R3HDM1: variants seen among roughly 807,000 people sequenced by gnomAD.
R3HDM1 encodes R3H domain containing 1, also known as R3H domain-containing protein 1.
R3HDM1 carries 46 observed loss-of-function variants against 141.1 expected under a neutral mutation model. The ratio of observed to expected loss-of-function variants is 0.33; its 90% CI spans 0.26 to 0.42. The LOEUF is 0.42. Among genes scored for constraint, R3HDM1 ranks in the 10% least tolerant of loss-of-function variants. The pLI is 1.00. For synonymous variants in R3HDM1, 435 were observed against 472.9 expected, an observed-to-expected ratio of 0.92 and a Z score of 1.04; for missense variants, 1,184 against 1,368.3, an observed-to-expected ratio of 0.87 and a Z score of 2.12.
At chr2:135,612,338 A>G (rs1335792027) in intron 3 of R3HDM1, among the ~76,000 whole-genome samples, 1 of 152,242 alleles carries the variant, frequency 6.6e-6, no homozygotes, top group African/African-American at 2.4e-5. Context: ...GAAAGGGTGT[A>G]ACCATTATAA....
chr2:135,550,151 A>G, intron 1 of R3HDM1: 11 of 983,850 alleles, frequency 1.1e-5, no homozygotes, highest in Non-Finnish European at 1.3e-5. Context: ...ATTCTATGTT[A>G]CACGAACTAT....
rs542320086 is a variant in R3HDM1 at position 135,659,873 on chromosome 2, C to A, written c.2029-1397C>A. 8.5e-5 allele frequency among the ~76,000 whole-genome samples: 13 copies of A among 152,344 alleles called. No homozygotes were observed. The East Asian group carries it at 2.1e-3, about 25-fold the overall frequency. On this transcript the variant is annotated intron_variant, in intron 18 of 26. Coordinates refer to ENST00000683871, the MANE Select transcript of R3HDM1 (RefSeq NM_001378107.1). ...TTAAACAACTGCTAGCACAGTAGGA[C>A]TACAGACATGTGAGTGATGTATTGT...
intron 23 of R3HDM1, among the ~76,000 whole-genome samples, chr2:135,711,347 T>C (rs2075602400): frequency 6.6e-6 from 1 of 152,178 alleles, no homozygotes. Flanking sequence ...AATGTATGGA[T>C]CTTATTTGGA....
rs1040260278 is a variant in R3HDM1, at chr2:135,725,117, T to C, written c.*825T>C. ...CTTCTTAAGTGCTTTACAGTTTGTT[T>C]TCATTGTTTGCAGCGGATCACTGGA... On this transcript the variant is annotated 3_prime_UTR_variant, in exon 27 of 27. Coordinates refer to ENST00000683871, the MANE Select transcript of R3HDM1 (RefSeq NM_001378107.1). 2 of 152,520 alleles carry C rather than the reference T, an allele frequency of 1.3e-5. No homozygotes were observed. The highest frequency in any genetic ancestry group is 4.8e-5 in the African/African-American group (2 of 41,446). 9.4% of individuals were successfully genotyped at this position (152,520 alleles called of 1,614,324 possible). A position where few individuals can be genotyped will look rare whatever the true frequency, so the allele number is the denominator to read the frequency against.
intron 1 of R3HDM1, among the ~76,000 whole-genome samples, chr2:135,592,440 T>C (rs1341227990): frequency 6.6e-6 from 1 of 152,232 alleles, no homozygotes; most frequent in African/African-American, 2.4e-5. Context: ...GAGTGATCTT[T>C]CTCCTTCTGA....
chr2:135,558,907 C>G (rs1369985353), intron 1 of R3HDM1: 5 of 672,092 alleles, frequency 7.4e-6, no homozygotes, highest in Non-Finnish European at 9.2e-6. Flanking sequence ...TTTAGGATTC[C>G]TTAAGGGTTT....
At chr2:135,549,112 T>G (rs983417137) in intron 1 of R3HDM1, among the ~76,000 whole-genome samples, 1 of 152,256 alleles carries the variant, frequency 6.6e-6, no homozygotes, top group Non-Finnish European at 1.5e-5. Context: ...TAATTGACTT[T>G]AGGTAAATAG....
intron 1 of R3HDM1, among the ~76,000 whole-genome samples, chr2:135,532,053 G>A (rs1694938774): frequency 6.6e-6 from 1 of 152,208 alleles, no homozygotes; most frequent in African/African-American, 2.4e-5. Flanking sequence ...AGGGACTCGG[G>A]AGCCAGCCAC....
intron 21 of R3HDM1, among the ~76,000 whole-genome samples, chr2:135,698,513 A>G (rs2073627512): frequency 6.6e-6 from 1 of 152,184 alleles, no homozygotes; most frequent in Non-Finnish European, 1.5e-5. Flanking sequence ...ATCTGAATGA[A>G]GTTACATAGA....
At position 135,641,582 on chromosome 2, in the gene R3HDM1, T is replaced by C. The variant is rs766164749; in HGVS notation, c.1266T>C (p.Ser422=). The part of the protein sequence containing the change: ...GSVGSSTGSL[S]HIQQPLPGTA... ...TAGGGTCATCTACAGGCTCTCTTTC[T>C]CACATCCAGCAGCCTCTTCCAGGTA... The change falls in exon 15 of 27, where the codon TCT becomes TCC. Residue 422 remains serine, a synonymous_variant. Coordinates refer to ENST00000683871, the MANE Select transcript of R3HDM1 (RefSeq NM_001378107.1). The C allele has an allele frequency of 4.3e-6, 7 of 1,614,028 alleles. No individual in the cohort carries two copies. Among genetic ancestry groups the C allele is most frequent in the Non-Finnish European group, 5.9e-6 (7 of 1,180,008 alleles).
At chr2:135,622,459 C>G in intron 6 of R3HDM1, 195 bp from the exon 7 acceptor site, 2 of 983,696 alleles carry the variant, frequency 2.0e-6, no homozygotes, top group Non-Finnish European at 2.4e-6. Flanking sequence ...GTTATATAAA[C>G]TCATGTCATG....
intron 24 of R3HDM1, among the ~76,000 whole-genome samples, chr2:135,718,725 C>G (rs1204214585): frequency 6.6e-6 from 1 of 152,096 alleles, no homozygotes; most frequent in Non-Finnish European, 1.5e-5. Context: ...CAAGCAGTCT[C>G]CCCACCTTGG....
chr2:135,716,543 TC>T (rs2105455630), intron 24 of R3HDM1, among the ~76,000 whole-genome samples: 1 of 152,266 alleles, frequency 6.6e-6, no homozygotes, highest in Admixed American at 6.5e-5. Flanking sequence ...GAAGAGTTTA[TC>T]CTATAGCAAA....
At chr2:135,659,071 G>GTGTGTA (rs1553607673) in intron 18 of R3HDM1, among the ~76,000 whole-genome samples, 27 of 150,456 alleles carry the variant, frequency 1.8e-4, no homozygotes, top group South Asian at 1.3e-3. Context: ...GTGTGTGTGT[G>GTGTGTA]TGTGTGTGTG....
At chr2:135,650,641 T>C (rs2065052226) in intron 17 of R3HDM1, 1 of 980,612 alleles carries the variant, frequency 1.0e-6, no homozygotes, top group Admixed American at 6.2e-5. Context: ...CATAGGTACA[T>C]TTTTTTTCCT....
At chr2:135,598,248 A>T (rs2059354525) in intron 1 of R3HDM1, among the ~76,000 whole-genome samples, 1 of 152,186 alleles carries the variant, frequency 6.6e-6, no homozygotes, top group African/African-American at 2.4e-5. Flanking sequence ...CACAGGCGAT[A>T]GGAGGATTGA....
chr2:135,561,243 A>G (rs1701742451), intron 1 of R3HDM1: 1 of 947,732 alleles, frequency 1.1e-6, no homozygotes, highest in South Asian at 4.9e-5. Flanking sequence ...ACTTTGTAAC[A>G]AATTTTTCTC....
At chr2:135,590,680 A>G (rs935528285) in intron 1 of R3HDM1, 14 of 985,288 alleles carry the variant, frequency 1.4e-5, no homozygotes, top group African/African-American at 1.7e-5. Context: ...AGTGTGAACT[A>G]TGAGAGATTG....
chr2:135,583,888 A>G (rs952435702), intron 1 of R3HDM1: 13 of 985,348 alleles, frequency 1.3e-5, no homozygotes, highest in African/African-American at 8.7e-5. Context: ...CCCAGTTCCT[A>G]TCATTCAGAT....
Sources: gnomAD v4.1 joint callset for allele counts (sites outside exome capture counted in the v4.1 genomes callset) on GRCh38, gnomAD v4.1.1 for gene constraint, MANE v1.5 for transcripts, NCBI Gene and HGNC (gene_info 2026-07-23, HGNC 2026-07-21) for gene names.